The following MACROD2 variants were observed in gnomAD, a reference collection of about 807,000 sequenced individuals.
MACROD2 encodes mono-ADP ribosylhydrolase 2, also known as ADP-ribose glycohydrolase MACROD2.
A neutral mutation model predicts 70.4 loss-of-function variants in MACROD2; 36 were observed. That is an observed-to-expected ratio of 0.51 (90% confidence interval 0.39 to 0.68). MACROD2 has a LOEUF of 0.68. Among genes scored for constraint, MACROD2 ranks in the 30% least tolerant of loss-of-function variants. MACROD2 has a pLI of 0.00. For missense variants in MACROD2, 496 were observed against 538.4 expected (o/e 0.92, Z 0.78); for synonymous variants, 172 against 178.8 (o/e 0.96, Z 0.30).
chr20:14,515,461 A>ACACACACACACG (rs571641283), intron 4 of MACROD2, among the ~76,000 whole-genome samples: 1 of 80,848 alleles, frequency 1.2e-5, no homozygotes, highest in African/African-American at 5.0e-5. Context: ...AGATACACAC[A>ACACACACACACG]CACGCACACA....
intron 5 of MACROD2, among the ~76,000 whole-genome samples, chr20:14,836,220 C>T (rs2073028617): frequency 6.6e-6 from 1 of 152,042 alleles, no homozygotes; most frequent in East Asian, 1.9e-4. Context: ...GCAGAGGAGG[C>T]TTTCAGTTTG....
intron 2 of MACROD2, among the ~76,000 whole-genome samples, chr20:14,076,206 A>AT (rs1394168882): frequency 4.0e-5 from 6 of 150,344 alleles, no homozygotes; most frequent in Non-Finnish European, 2.9e-5. Flanking sequence ...TATATGTGAT[A>AT]TTTTTCTACC....
chr20:14,316,914 C>A (rs1324260213), intron 3 of MACROD2, among the ~76,000 whole-genome samples: 2 of 152,102 alleles, frequency 1.3e-5, no homozygotes, highest in African/African-American at 4.8e-5. Context: ...CTTTTACTTA[C>A]TTCTCCTGCT....
chr20:16,000,847 C>T (rs146761605), intron 15 of MACROD2, among the ~76,000 whole-genome samples: 5 of 152,300 alleles, frequency 3.3e-5, no homozygotes, highest in Non-Finnish European at 5.9e-5. Flanking sequence ...TTTATGTATA[C>T]ATTTTTTGTA....
chr20:15,262,237 CTATCTGCATGAGTTCAATTA>C (rs1209627586), intron 6 of MACROD2, among the ~76,000 whole-genome samples: 2 of 152,016 alleles, frequency 1.3e-5, no homozygotes, highest in Non-Finnish European at 2.9e-5. Context: ...TCATTCTACT[CTATCTGCATGAGTTCAATTA>C]TTTTAATTTT....
At chr20:14,087,715 G>A (rs2054096145) in intron 3 of MACROD2, among the ~76,000 whole-genome samples, 1 of 152,042 alleles carries the variant, frequency 6.6e-6, no homozygotes, top group African/African-American at 2.4e-5. Flanking sequence ...GGCCTCTGGG[G>A]GAAGACAGGC....
intron 3 of MACROD2, among the ~76,000 whole-genome samples, chr20:14,224,144 G>A (rs535546560): frequency 6.6e-6 from 1 of 152,110 alleles, no homozygotes; most frequent in East Asian, 1.9e-4. Flanking sequence ...CACTTTCACA[G>A]AAACATACTA....
At chr20:14,188,646 G>T (rs921330440) in intron 3 of MACROD2, among the ~76,000 whole-genome samples, 4 of 152,018 alleles carry the variant, frequency 2.6e-5, no homozygotes, top group African/African-American at 9.7e-5. Flanking sequence ...TAACAACATT[G>T]TTTTCACCCA....
intron 8 of MACROD2, among the ~76,000 whole-genome samples, chr20:15,729,985 G>A (rs529026443): frequency 6.5e-4 from 98 of 151,766 alleles, no homozygotes; most frequent in Non-Finnish European, 1.2e-3. Context: ...CTGCCACCAC[G>A]CCCCACTAAC....
intron 3 of MACROD2, among the ~76,000 whole-genome samples, chr20:14,093,450 AC>A (rs1384942685): frequency 6.6e-6 from 1 of 152,076 alleles, no homozygotes; most frequent in African/African-American, 2.4e-5. Flanking sequence ...TGTTTTCAGA[AC>A]TAGATTGTCT....
At chr20:15,853,300 G>T (rs1461127805) in intron 8 of MACROD2, among the ~76,000 whole-genome samples, 1 of 152,148 alleles carries the variant, frequency 6.6e-6, no homozygotes, top group Admixed American at 6.5e-5. Flanking sequence ...TTTCTATGTG[G>T]TCATTATAAT....
chr20:15,076,079 C>A (rs961205944), intron 5 of MACROD2, among the ~76,000 whole-genome samples: 1 of 152,032 alleles, frequency 6.6e-6, no homozygotes, highest in African/African-American at 2.4e-5. Context: ...TTCCTTCAAA[C>A]ATTTATTATG....
At chr20:15,828,154 A>G (rs1962597409) in intron 8 of MACROD2, among the ~76,000 whole-genome samples, 1 of 152,224 alleles carries the variant, frequency 6.6e-6, no homozygotes, top group African/African-American at 2.4e-5. Flanking sequence ...AATGATAAGG[A>G]TATGAGGTGA....
chr20:14,640,988 A>G (rs1057275783), intron 4 of MACROD2, among the ~76,000 whole-genome samples: 8 of 152,162 alleles, frequency 5.3e-5, no homozygotes, highest in Non-Finnish European at 1.2e-4. Context: ...TTTATGAAAG[A>G]TTTATCTGTA....
intron 5 of MACROD2, among the ~76,000 whole-genome samples, chr20:15,069,723 A>G (rs1199992536): frequency 2.0e-5 from 3 of 152,248 alleles, no homozygotes; most frequent in Non-Finnish European, 4.4e-5. Context: ...AGCATGCAGA[A>G]TGCAAGAGTG....
chr20:15,155,241 C>T (rs1158982029), intron 5 of MACROD2, among the ~76,000 whole-genome samples: 2 of 151,252 alleles, frequency 1.3e-5, no homozygotes, highest in Non-Finnish European at 3.0e-5. Flanking sequence ...ATCTTGTGGG[C>T]ACCCCTCTTT....
At chr20:14,462,241 T>A (rs1012274697) in intron 3 of MACROD2, among the ~76,000 whole-genome samples, 6 of 152,150 alleles carry the variant, frequency 3.9e-5, no homozygotes, top group Non-Finnish European at 7.3e-5. Context: ...TGGTGTGAGA[T>A]GGTATCTCAT....
intron 8 of MACROD2, among the ~76,000 whole-genome samples, chr20:15,636,561 T>A (rs16996211): frequency 0.11 from 16,783 of 152,152 alleles, 1,456 homozygotes; most frequent in African/African-American, 0.22. Flanking sequence ...TCACAGTGTT[T>A]ATATAGTCAG....
intron 6 of MACROD2, among the ~76,000 whole-genome samples, chr20:15,231,722 A>T (rs373817519): frequency 6.6e-6 from 1 of 152,040 alleles, no homozygotes; most frequent in African/African-American, 2.4e-5. Context: ...TGGAAGAATT[A>T]TGGGCTAAGT....
Sources: allele counts gnomAD v4.1 joint callset (sites outside exome capture counted in the v4.1 genomes callset), GRCh38; gene constraint gnomAD v4.1.1; transcripts MANE v1.5; gene names NCBI Gene and HGNC (gene_info 2026-07-23, HGNC 2026-07-21).